Variants in CTBP2 observed in about 807,000 individuals in gnomAD.
CTBP2 encodes C-terminal binding protein 2, also known as C-terminal-binding protein 2.
A neutral mutation model predicts 80.3 loss-of-function variants in CTBP2; 30 were observed. The observed-to-expected ratio is 0.37, with a 90% CI of 0.28 to 0.51. The LOEUF (loss-of-function observed/expected upper bound fraction) is 0.51, where lower values mean the gene tolerates loss of function less well. Among genes scored for constraint, CTBP2 ranks in the 20% least tolerant of loss-of-function variants. The pLI is 0.93. For missense variants in CTBP2, 1,212 were observed against 1,375.3 expected (o/e 0.88, Z 1.88); for synonymous variants, 594 against 587.4 (o/e 1.01, Z -0.16).
chr10:125,035,883 A>G (rs1300450279), intron 3 of CTBP2, among the ~76,000 whole-genome samples: 1 of 152,244 alleles, frequency 6.6e-6, no homozygotes, highest in Non-Finnish European at 1.5e-5. Flanking sequence ...TCTTGTTCTG[A>G]TCAGCCTGTG....
chr10:125,109,691 G>C (rs577067272), intron 2 of CTBP2, among the ~76,000 whole-genome samples: 13 of 152,310 alleles, frequency 8.5e-5, no homozygotes, highest in African/African-American at 2.9e-4. Flanking sequence ...CTCTGCTATG[G>C]CCTTTGGCCC....
intron 1 of CTBP2, among the ~76,000 whole-genome samples, chr10:125,145,993 G>A (rs1384539748): frequency 1.3e-5 from 2 of 151,644 alleles, no homozygotes; most frequent in African/African-American, 2.4e-5. Context: ...GGATGATCTC[G>A]ACTCACTGCA....
At chr10:125,087,709 T>C (rs965052945) in intron 2 of CTBP2, among the ~76,000 whole-genome samples, 4 of 152,240 alleles carry the variant, frequency 2.6e-5, no homozygotes, top group African/African-American at 9.6e-5. Context: ...ACAAGAGGTC[T>C]CTGGGATGCT....
rs554095419 is a variant in CTBP2 at position 125,055,610 on chromosome 10, T to C, written c.-101-16455A>G. Among the ~76,000 whole-genome samples, 10 of 152,240 alleles carry C rather than the reference T, an allele frequency of 6.6e-5. No individual in the cohort carries two copies. The South Asian group carries it at 2.1e-3, about 32-fold the overall frequency. The stretch of plus-strand genomic sequence containing the variant: ...GTCAGACTGAGCCACACCAGCCAGA[T>C]GCAAAACACGGCTACGTCTCACAAA... On this transcript the variant is annotated intron_variant, in intron 2 of 10. Transcript: ENST00000337195.
At chr10:125,020,463 G>A (rs1330967788) in intron 1 of CTBP2, among the ~76,000 whole-genome samples, 3 of 152,232 alleles carry the variant, frequency 2.0e-5, no homozygotes, top group Non-Finnish European at 4.4e-5. Context: ...CGCCCCTGTA[G>A]ACATGAGGAG....
chr10:125,151,690 G>C lies in CTBP2; in HGVS notation c.-206+8629C>G, dbSNP rs555133476. ...GGGGTGGAGGCGGCTCTGGCCTGGT[G>C]CAACCAGGTCCCCGCCCCTGCTCTG... On this transcript the variant is annotated intron_variant, in intron 1 of 10. Transcript: ENST00000337195. Among the ~76,000 whole-genome samples the C allele has an allele frequency of 2.0e-5, 3 of 152,324 alleles. No homozygotes were observed. The South Asian group carries it at 6.2e-4, about 32-fold the overall frequency.
At chr10:125,158,873 T>C (rs1861420049) in intron 1 of CTBP2, among the ~76,000 whole-genome samples, 1 of 151,902 alleles carries the variant, frequency 6.6e-6, no homozygotes, top group African/African-American at 2.4e-5. Flanking sequence ...TCCGCGACCG[T>C]CGTCGCCGGC....
chr10:125,125,584 G>A (rs1855095984), intron 1 of CTBP2, among the ~76,000 whole-genome samples: 1 of 152,170 alleles, frequency 6.6e-6, no homozygotes, highest in African/African-American at 2.4e-5. Context: ...CTCAGATAAT[G>A]GCTCCGAGTG....
chr10:125,026,563 A>T lies in CTBP2; in HGVS notation c.1197T>A (p.Ala399=). ...TGGAGGGACGGCGAGCCGGGTCTCC[A>T]GCTCGGGGGGATGCTGTCTGCAGAG... Residue 399 remains alanine (A), a synonymous_variant, in exon 1 of 9, where the codon GCT becomes GCA. Transcript: ENST00000309035. 2 of 1,550,138 alleles carry T rather than the reference A, an allele frequency of 1.3e-6. No individual in the cohort carries two copies. The highest frequency in any genetic ancestry group is 8.7e-7 in the Non-Finnish European group (1 of 1,149,454).
At position 125,059,537 on chromosome 10, in the gene CTBP2, G is replaced by A. The variant is rs1269060910; in HGVS notation, c.-101-20382C>T. Among the ~76,000 whole-genome samples the A allele has an allele frequency of 2.6e-5, 4 of 152,214 alleles. No individual in the cohort carries two copies. The South Asian group carries it at 8.3e-4, about 32-fold the overall frequency. On this transcript the variant is annotated intron_variant, in intron 2 of 10. Coordinates refer to the CTBP2 transcript ENST00000337195. The stretch of plus-strand genomic sequence containing the variant: ...GTGGAGGTTGCAGTGAGCAGAGATT[G>A]CATCACTGCACTCCAGCCAAAAGTG...
chr10:124,997,748 C>T (rs1016570981), intron 4 of CTBP2: 31 of 589,500 alleles, frequency 5.3e-5, no homozygotes, highest in African/African-American at 4.7e-4. Flanking sequence ...GCAGTGGACA[C>T]GCATTCTTCC....
chr10:125,071,452 G>T (rs890735939), intron 2 of CTBP2, among the ~76,000 whole-genome samples: 1 of 152,244 alleles, frequency 6.6e-6, no homozygotes, highest in Non-Finnish European at 1.5e-5. Flanking sequence ...GCCCAAGTGG[G>T]ACAGGAAATT....
intron 2 of CTBP2, among the ~76,000 whole-genome samples, chr10:125,042,963 G>A (rs1282845596): frequency 6.6e-6 from 1 of 152,164 alleles, no homozygotes; most frequent in Non-Finnish European, 1.5e-5. Flanking sequence ...GATCAGAAAC[G>A]TGGACCTTAA....
At chr10:125,123,007 A>G (rs1024385678) in intron 1 of CTBP2, 1 of 152,256 alleles carries the variant, frequency 6.6e-6, no homozygotes, top group Non-Finnish European at 1.5e-5. Context: ...TTCCATTTAT[A>G]TAACATTCTT....
intron 1 of CTBP2, among the ~76,000 whole-genome samples, chr10:125,116,831 G>T (rs1470692771): frequency 2.0e-5 from 3 of 152,184 alleles, no homozygotes; most frequent in Non-Finnish European, 4.4e-5. Context: ...CAAGTTCAAG[G>T]GCAGCGGTCA....
In CTBP2 at chr10:124,984,570, T is replaced by G; in HGVS notation, c.*4948A>C. 1.9e-6 allele frequency: 1 copy of G among 539,080 alleles called. No individual in the cohort carries two copies. Among genetic ancestry groups the G allele is most frequent in the Non-Finnish European group, 3.2e-6 (1 of 309,242 alleles). 33.4% of individuals were successfully genotyped at this position (539,080 alleles called of 1,614,324 possible). On this transcript the variant is annotated 3_prime_UTR_variant, in exon 9 of 9. Coordinates refer to ENST00000309035, the MANE Select transcript of CTBP2 (RefSeq NM_022802.3). ...TCCTCTTTAGTTTTTTTCTGAGAAA[T>G]TTCCCATTTATGTCTTTTTAAATTT... is the stretch of plus-strand genomic sequence containing the variant.
chr10:125,121,729 C>T (rs1212509046), intron 1 of CTBP2, among the ~76,000 whole-genome samples: 1 of 152,182 alleles, frequency 6.6e-6, no homozygotes, highest in Non-Finnish European at 1.5e-5. Context: ...ACAACAACAT[C>T]TAGAAATGGG....
intron 2 of CTBP2, among the ~76,000 whole-genome samples, chr10:125,082,221 T>A (rs1184554163): frequency 1.3e-5 from 2 of 152,210 alleles, no homozygotes; most frequent in Admixed American, 1.3e-4. Context: ...CGGGACACAC[T>A]GTCTTCAAAA....
intron 1 of CTBP2, among the ~76,000 whole-genome samples, chr10:125,008,557 C>G (rs1955516257): frequency 1.3e-5 from 2 of 152,194 alleles, no homozygotes; most frequent in South Asian, 4.1e-4. Flanking sequence ...CACCAGCTGC[C>G]CTAACACAGA....
Sources: gnomAD v4.1 joint callset for allele counts (sites outside exome capture counted in the v4.1 genomes callset) on GRCh38, gnomAD v4.1.1 for gene constraint, MANE v1.5 for transcripts, NCBI Gene and HGNC (gene_info 2026-07-23, HGNC 2026-07-21) for gene names.